ALPK1: variants seen among roughly 807,000 people sequenced by gnomAD.
ALPK1 encodes the protein alpha-protein kinase 1.
Under a neutral mutation model 120.6 loss-of-function variants are expected in ALPK1, and 110 were observed. The observed-to-expected ratio is 0.91, with a 90% CI of 0.78 to 1.07. ALPK1 has a LOEUF of 1.07. Ranked by LOEUF, ALPK1 falls within the 50% of genes least tolerant of loss-of-function variation. The pLI is 0.00. For synonymous variants in ALPK1, 582 were observed against 560.3 expected (o/e 1.04, Z -0.55); for missense variants, 1,498 against 1,483.9 (o/e 1.01, Z -0.16).
intron 1 of ALPK1, among the ~76,000 whole-genome samples, chr4:112,313,615 T>C (rs1472649763): frequency 1.3e-5 from 2 of 152,108 alleles, no homozygotes; most frequent in African/African-American, 2.4e-5. Context: ...CCCAGCTACT[T>C]GGGAGGCTGA....
intron 5 of ALPK1, among the ~76,000 whole-genome samples, chr4:112,420,858 AGAG>A: frequency 6.6e-6 from 1 of 152,174 alleles, no homozygotes; most frequent in Non-Finnish European, 1.5e-5. Flanking sequence ...AGAGAGAGAG[AGAG>A]AGACTCTGTC....
At chr4:112,325,380 T>C (rs1729068932) in intron 2 of ALPK1, among the ~76,000 whole-genome samples, 2 of 152,316 alleles carry the variant, frequency 1.3e-5, no homozygotes, top group Admixed American at 6.5e-5. Flanking sequence ...CTTAAACAGT[T>C]CCTTAGAAAT....
At chr4:112,381,390 TTGAGCA>T (rs1731897804) in intron 3 of ALPK1, among the ~76,000 whole-genome samples, 1 of 152,228 alleles carries the variant, frequency 6.6e-6, no homozygotes, top group Non-Finnish European at 1.5e-5. Context: ...GTTTTGGATG[TTGAGCA>T]TGAGAGGCTT....
intron 2 of ALPK1, among the ~76,000 whole-genome samples, chr4:112,320,552 A>G (rs955787242): frequency 6.6e-6 from 1 of 152,014 alleles, no homozygotes; most frequent in Admixed American, 6.6e-5. Context: ...GATGATATTG[A>G]CTTTATAGAA....
chr4:112,337,385 T>C (rs768102192), intron 2 of ALPK1, among the ~76,000 whole-genome samples: 1 of 152,192 alleles, frequency 6.6e-6, no homozygotes, highest in Non-Finnish European at 1.5e-5. Flanking sequence ...AGATGGTTTC[T>C]GAGTGCTATT....
Position 112,430,805 on chromosome 4 carries a change from C to A in ALPK1, c.1258C>A (p.Gln420Lys), listed in dbSNP as rs566924506. The change falls in exon 11 of 16, where the codon CAA becomes AAA. Residue 420 changes from glutamine to lysine, a missense_variant. Transcript: ENST00000650871. ...SVIAQVKEHL[Q>K]VQSFSNVDDR... ...GATTGCCCAGGTGAAGGAACATTTACAAGTTCAAAGCTTCTCAAATGTAGA... is the reference window on the plus strand; with the variant it reads ...GATTGCCCAGGTGAAGGAACATTTAAAAGTTCAAAGCTTCTCAAATGTAGA... The A allele has an allele frequency of 2.5e-6, 4 of 1,614,228 alleles. No homozygotes were observed. The highest frequency in any genetic ancestry group is 1.6e-4 in the Middle Eastern group (1 of 6,062).
intron 3 of ALPK1, among the ~76,000 whole-genome samples, chr4:112,378,857 T>C (rs1438299751): frequency 2.0e-5 from 3 of 152,204 alleles, no homozygotes; most frequent in East Asian, 1.9e-4. Flanking sequence ...TCTTAATTAT[T>C]TGTAACCTGT....
intron 2 of ALPK1, among the ~76,000 whole-genome samples, chr4:112,334,176 T>C (rs1426929822): frequency 7.9e-5 from 12 of 152,110 alleles, no homozygotes; most frequent in African/African-American, 2.9e-4. Flanking sequence ...CTCACGCCTG[T>C]AATCCCAGCA....
At chr4:112,298,174 T>C (rs538389756) in intron 1 of ALPK1, among the ~76,000 whole-genome samples, 1 of 152,242 alleles carries the variant, frequency 6.6e-6, no homozygotes, top group South Asian at 2.1e-4. Flanking sequence ...TGAGGATGGG[T>C]GAGGGTACAA....
At position 112,304,356 on chromosome 4, in the gene ALPK1, A is replaced by C. The variant is rs556893071; in HGVS notation, c.-153+6887A>C. On this transcript the variant is annotated intron_variant, in intron 1 of 15. Coordinates refer to ENST00000650871, the MANE Select transcript of ALPK1 (RefSeq NM_025144.4). ...TTCCACAATGGTTGAACTAGTTTAC[A>C]GTCCCACCAACAGTGTAAAAGTGTT... Among the ~76,000 whole-genome samples, 14 of 152,252 alleles carry C rather than the reference A, an allele frequency of 9.2e-5. No individual in the cohort carries two copies. In the East Asian group the frequency reaches 2.7e-3, roughly 29 times the overall value.
intron 4 of ALPK1, among the ~76,000 whole-genome samples, chr4:112,396,702 C>T (rs961162844): frequency 7.9e-5 from 12 of 152,162 alleles, no homozygotes; most frequent in Non-Finnish European, 1.6e-4. Context: ...ATTTATTGAG[C>T]ATCTACTAAG....
At position 112,377,746 on chromosome 4, in the gene ALPK1, G is replaced by T; in HGVS notation, c.-32G>T. On this transcript the variant is annotated 5_prime_UTR_variant, in exon 3 of 16. Coordinates refer to ENST00000650871, the MANE Select transcript of ALPK1 (RefSeq NM_025144.4). ...TTCTCCTAGGTAATTGATCACCCTA[G>T]ACCCAGGGACACCCAATTCATCGTA... The T allele has an allele frequency of 6.3e-7, 1 of 1,591,892 alleles. No individual in the cohort carries two copies. Among genetic ancestry groups the T allele is most frequent in the South Asian group, 1.1e-5 (1 of 87,976 alleles).
Position 112,431,999 on chromosome 4 carries a change from T to C in ALPK1, c.2452T>C (p.Cys818Arg), listed in dbSNP as rs1340804314. The C allele has an allele frequency of 1.9e-6, 3 of 1,614,150 alleles. No individual in the cohort carries two copies. The highest frequency in any genetic ancestry group is 3.3e-5 in the Admixed American group (2 of 60,022). The change falls in exon 11 of 16, where the codon TGT becomes CGT. Residue 818 changes from cysteine to arginine, a missense_variant. Coordinates refer to ENST00000650871, the MANE Select transcript of ALPK1 (RefSeq NM_025144.4). Reference sequence around the variant, plus strand: ...TCTGGGAAACATTTCCATGCTGCCATGTAGCTCCTTCACCCCTAATTGGCC... The same window carrying C: ...TCTGGGAAACATTTCCATGCTGCCACGTAGCTCCTTCACCCCTAATTGGCC... ...NSLGNISMLP[C>R]SSFTPNWPVQ...
At chr4:112,428,521 A>G (rs1349079967) in intron 9 of ALPK1, among the ~76,000 whole-genome samples, 1 of 152,230 alleles carries the variant, frequency 6.6e-6, no homozygotes, top group African/African-American at 2.4e-5. Flanking sequence ...CAGGAGGATC[A>G]TGTCCCTTGT....
At chr4:112,370,606 G>C (rs1731363530) in intron 2 of ALPK1, among the ~76,000 whole-genome samples, 1 of 152,202 alleles carries the variant, frequency 6.6e-6, no homozygotes, top group South Asian at 2.1e-4. Flanking sequence ...ATTTCCAGCA[G>C]GACTGTTGCC....
intron 1 of ALPK1, among the ~76,000 whole-genome samples, chr4:112,309,453 G>C (rs192552248): frequency 5.3e-5 from 8 of 152,114 alleles, no homozygotes; most frequent in Non-Finnish European, 1.2e-4. Context: ...AATGGCAGAC[G>C]CCCCTCCCCC....
chr4:112,307,792 A>G (rs1215705316), intron 1 of ALPK1, among the ~76,000 whole-genome samples: 2 of 151,998 alleles, frequency 1.3e-5, no homozygotes, highest in South Asian at 2.1e-4. Flanking sequence ...CTGTCATTAT[A>G]ATGTTAGCTG....
At chr4:112,429,394 C>A in intron 10 of ALPK1, 141 bp downstream of exon 10, 1 of 647,992 alleles carries the variant, frequency 1.5e-6, no homozygotes, top group Middle Eastern at 4.2e-4. Context: ...GACTCCACAC[C>A]ACATATGGAA....
chr4:112,312,486 A>T (rs2110533564), intron 1 of ALPK1, among the ~76,000 whole-genome samples: 1 of 152,248 alleles, frequency 6.6e-6, no homozygotes, highest in East Asian at 1.9e-4. Context: ...GTTAGCCAGG[A>T]TGGTCTCGAT....
Sources: allele counts gnomAD v4.1 joint callset (sites outside exome capture counted in the v4.1 genomes callset), GRCh38; gene constraint gnomAD v4.1.1; transcripts MANE v1.5; gene names NCBI Gene and HGNC (gene_info 2026-07-23, HGNC 2026-07-21).